The following PHACTR1 variants were observed in gnomAD, a reference collection of about 807,000 sequenced individuals.
PHACTR1 encodes the protein RPEL repeat containing 1.
A neutral mutation model predicts 69.2 loss-of-function variants in PHACTR1; 16 were observed. That is an observed-to-expected ratio of 0.23 (90% CI 0.16 to 0.35). The LOEUF (loss-of-function observed/expected upper bound fraction) is 0.35. PHACTR1 is among the 10% of genes least tolerant of loss of function. The pLI, the probability that PHACTR1 is intolerant of heterozygous loss-of-function variation, is 1.00. For missense variants in PHACTR1, 510 were observed against 734.7 expected, an observed-to-expected ratio of 0.69 and a Z score of 3.54; for synonymous variants, 312 against 284.5, an observed-to-expected ratio of 1.10 and a Z score of -0.97.
intron 4 of PHACTR1, among the ~76,000 whole-genome samples, chr6:13,013,710 G>A (rs1485975757): frequency 1.3e-5 from 2 of 151,390 alleles, no homozygotes; most frequent in Non-Finnish European, 3.0e-5. Context: ...GGCTGGGGCA[G>A]CGAGGTCGGC....
At chr6:12,905,181 G>T (rs115964080) in intron 4 of PHACTR1, among the ~76,000 whole-genome samples, 1,576 of 152,282 alleles carry the variant, frequency 0.01, 9 homozygotes, top group Middle Eastern at 0.031. Flanking sequence ...TTCTCCAGGG[G>T]ATTCTAATGA....
At chr6:13,130,224 A>G (rs1047157343) in intron 5 of PHACTR1, among the ~76,000 whole-genome samples, 14 of 152,124 alleles carry the variant, frequency 9.2e-5, no homozygotes, top group African/African-American at 2.7e-4. Context: ...ATCTAATGTC[A>G]TACCACAAGG....
intron 10 of PHACTR1, among the ~76,000 whole-genome samples, chr6:13,263,521 G>A (rs1776213561): frequency 6.6e-6 from 1 of 152,130 alleles, no homozygotes; most frequent in Non-Finnish European, 1.5e-5. Flanking sequence ...AAACCATTTT[G>A]CTGCTCAGAC....
chr6:13,215,224 A>C (rs1562007856), intron 8 of PHACTR1, among the ~76,000 whole-genome samples: 1 of 152,232 alleles, frequency 6.6e-6, no homozygotes, highest in African/African-American at 2.4e-5. Context: ...ACAGTGAACA[A>C]AATACAGAAG....
At chr6:13,172,380 T>C (rs1760741952) in intron 6 of PHACTR1, among the ~76,000 whole-genome samples, 1 of 152,212 alleles carries the variant, frequency 6.6e-6, no homozygotes, top group African/African-American at 2.4e-5. Context: ...AACCATGCAC[T>C]TGGCGTGCAG....
At chr6:12,967,105 T>C (rs1793599073) in intron 4 of PHACTR1, among the ~76,000 whole-genome samples, 1 of 152,244 alleles carries the variant, frequency 6.6e-6, no homozygotes, top group Non-Finnish European at 1.5e-5. Context: ...TACTTAAGTA[T>C]TAAGGGCTGT....
At chr6:12,754,189 G>A (rs1767003103) in intron 4 of PHACTR1, among the ~76,000 whole-genome samples, 1 of 142,618 alleles carries the variant, frequency 7.0e-6, no homozygotes, top group Non-Finnish European at 1.5e-5. Context: ...TAGACAAGAT[G>A]GTCTCGATCT....
At chr6:12,877,384 A>G (rs144687813) in intron 4 of PHACTR1, among the ~76,000 whole-genome samples, 21 of 152,314 alleles carry the variant, frequency 1.4e-4, no homozygotes, top group African/African-American at 4.3e-4. Context: ...CCAGGGTGAC[A>G]GTAGAGTAGT....
intron 4 of PHACTR1, among the ~76,000 whole-genome samples, chr6:12,778,225 C>G (rs1770343915): frequency 6.6e-6 from 1 of 152,214 alleles, no homozygotes; most frequent in Admixed American, 6.5e-5. Context: ...ATTCTGAGAG[C>G]TCTTGTGAAA....
chr6:13,250,793 G>A (rs1456019032), intron 10 of PHACTR1, among the ~76,000 whole-genome samples: 2 of 152,140 alleles, frequency 1.3e-5, no homozygotes, highest in Non-Finnish European at 2.9e-5. Flanking sequence ...CTCCTTGGGC[G>A]CAAGACAGGT....
intron 4 of PHACTR1, among the ~76,000 whole-genome samples, chr6:13,030,651 G>A (rs1802328558): frequency 6.6e-6 from 1 of 152,226 alleles, no homozygotes; most frequent in African/African-American, 2.4e-5. Flanking sequence ...TGATCTGTTT[G>A]TATTATAGCT....
chr6:12,967,897 A>G (rs1793687737), intron 4 of PHACTR1, among the ~76,000 whole-genome samples: 1 of 152,234 alleles, frequency 6.6e-6, no homozygotes. Flanking sequence ...TTTATGAGCC[A>G]TTTGAAAACA....
At chr6:12,943,063 C>A (rs758783014) in intron 4 of PHACTR1, among the ~76,000 whole-genome samples, 1 of 152,182 alleles carries the variant, frequency 6.6e-6, no homozygotes, top group Non-Finnish European at 1.5e-5. Context: ...AAAACTTGTA[C>A]AGGAATGTTC....
intron 10 of PHACTR1, among the ~76,000 whole-genome samples, chr6:13,244,258 T>C (rs1000440742): frequency 4.6e-5 from 7 of 152,090 alleles, no homozygotes; most frequent in Admixed American, 1.3e-4. Flanking sequence ...CATCAAGTAC[T>C]TAACAGGGTA....
intron 4 of PHACTR1, among the ~76,000 whole-genome samples, chr6:12,846,341 CAT>C (rs1185150022): frequency 1.3e-5 from 2 of 152,180 alleles, no homozygotes; most frequent in African/African-American, 4.8e-5. Context: ...GGTACCAACA[CAT>C]GTCAGATACT....
intron 4 of PHACTR1, among the ~76,000 whole-genome samples, chr6:12,954,058 A>G (rs1316018079): frequency 6.6e-6 from 1 of 152,248 alleles, no homozygotes; most frequent in Non-Finnish European, 1.5e-5. Flanking sequence ...ACTACAGGAA[A>G]CAGTTGAGCT....
chr6:13,063,766 T>C (rs1331771826), intron 5 of PHACTR1, among the ~76,000 whole-genome samples: 1 of 148,714 alleles, frequency 6.7e-6, no homozygotes, highest in Admixed American at 6.7e-5. Context: ...GGCAATGGAG[T>C]GAGACCCTGT....
Position 13,228,076 on chromosome 6 carries a change from T to A in PHACTR1, c.1234+13T>A. 1 of 1,604,012 alleles carries A rather than the reference T, an allele frequency of 6.2e-7. No individual in the cohort carries two copies. The highest frequency in any genetic ancestry group is 8.5e-7 in the Non-Finnish European group (1 of 1,177,484). ...TCATTATACACCAGTGCGTTCATCT[T>A]AACTCATCACCAGGGGTGGGGAAGC... On this transcript the variant is annotated intron_variant, in intron 9 of 14. Coordinates refer to ENST00000332995, the MANE Select transcript of PHACTR1 (RefSeq NM_030948.6).
At chr6:13,017,630 A>G (rs1418954311) in intron 4 of PHACTR1, among the ~76,000 whole-genome samples, 1 of 152,248 alleles carries the variant, frequency 6.6e-6, no homozygotes, top group African/African-American at 2.4e-5. Context: ...AATCAAATTT[A>G]GAGAAAATCT....
Sources: allele counts gnomAD v4.1 joint callset (sites outside exome capture counted in the v4.1 genomes callset), GRCh38; gene constraint gnomAD v4.1.1; transcripts MANE v1.5; gene names NCBI Gene and HGNC (gene_info 2026-07-23, HGNC 2026-07-21).